GLMN: variants seen among roughly 807,000 people sequenced by gnomAD.
The protein encoded by GLMN is glomulin.
In GLMN, 75 loss-of-function variants were observed where a neutral mutation model predicts 87.8. The observed-to-expected ratio is 0.85, with a 90% CI of 0.71 to 1.04. The LOEUF is 1.04. GLMN is among the 50% of genes least tolerant of loss of function. The pLI, the probability that GLMN is intolerant of heterozygous loss-of-function variation, is 0.00. For missense variants in GLMN, 588 were observed against 658.8 expected (o/e 0.89, Z 1.18); for synonymous variants, 206 against 221.6 (o/e 0.93, Z 0.63).
upstream of GLMN, among the ~76,000 whole-genome samples, chr1:92,301,319 A>G (rs1484763785): frequency 6.6e-6 from 1 of 152,238 alleles, no homozygotes; most frequent in East Asian, 1.9e-4. Context: ...CCTTGTCTCT[A>G]CAATTAAAAA....
At chr1:92,309,590 TAC>T in the GLMN span, among the ~76,000 whole-genome samples, 2 of 101,272 alleles carry the variant, frequency 2.0e-5, no homozygotes, top group South Asian at 2.4e-4. Flanking sequence ...TACATACACA[TAC>T]ACATACACAT....
intron 7 of GLMN, among the ~76,000 whole-genome samples, chr1:92,274,864 T>G (rs1647187991): frequency 6.6e-6 from 1 of 152,190 alleles, no homozygotes; most frequent in Non-Finnish European, 1.5e-5. Context: ...ATTCCTACAT[T>G]TTGACCTACC....
At chr1:92,292,249 T>C (rs920995118) in intron 3 of GLMN, among the ~76,000 whole-genome samples, 1 of 60,660 alleles carries the variant, frequency 1.6e-5, no homozygotes, top group African/African-American at 1.2e-4. Context: ...CCTAGAGTCC[T>C]TCTTTAAAAG....
intron 7 of GLMN, among the ~76,000 whole-genome samples, chr1:92,285,266 A>G (rs1648589920): frequency 1.3e-5 from 2 of 152,210 alleles, no homozygotes; most frequent in African/African-American, 2.4e-5. Context: ...CATATATACC[A>G]TGGAATACTA....
At chr1:92,341,237 G>A in the GLMN span, among the ~76,000 whole-genome samples, 1 of 152,082 alleles carries the variant, frequency 6.6e-6, no homozygotes, top group Non-Finnish European at 1.5e-5. Context: ...TCGAACTCCT[G>A]AGCCCAAGCA....
At chr1:92,363,281 T>G in the GLMN span, among the ~76,000 whole-genome samples, 1 of 151,810 alleles carries the variant, frequency 6.6e-6, no homozygotes, top group Non-Finnish European at 1.5e-5. Context: ...AAGGAGCCAA[T>G]AAAGAAAAAT....
Position 92,291,515 on chromosome 1 carries a change from C to A in GLMN, c.188G>T (p.Trp63Leu), listed in dbSNP as rs750763704. ...TCGAACAACAGGACCAACGAGATTC[C>A]AGCCCATATTCTTGATGATGACCTG... ...KNKVIIKNMG[W>L]NLVGPVVRCL... Residue 63 changes from tryptophan to leucine, a missense_variant, in exon 4 of 19, where the codon TGG (tryptophan) becomes TTG (leucine). Coordinates refer to ENST00000370360, the MANE Select transcript of GLMN (RefSeq NM_053274.3). 2.5e-6 allele frequency: 4 copies of A among 1,613,184 alleles called. No individual in the cohort carries two copies. The highest frequency in any genetic ancestry group is 3.4e-6 in the Non-Finnish European group (4 of 1,179,318).
At chr1:92,323,314 T>A in the GLMN span, 4 of 506,720 alleles carry the variant, frequency 7.9e-6, no homozygotes, top group Non-Finnish European at 1.3e-5. Context: ...TAAGGTTTTG[T>A]CTGGGGAATA....
chr1:92,320,521 C>T, the GLMN span: 5 of 1,161,914 alleles, frequency 4.3e-6, no homozygotes, highest in Admixed American at 1.8e-5. Context: ...TCCGCCTGCC[C>T]AGCCTCCGAA....
intron 16 of GLMN, among the ~76,000 whole-genome samples, chr1:92,259,652 C>T (rs1270866808): frequency 3.3e-5 from 5 of 151,866 alleles, no homozygotes; most frequent in African/African-American, 1.2e-4. Flanking sequence ...AAAATAGGTA[C>T]TGGTAGGAGT....
intron 4 of GLMN, 44 bp downstream of exon 4, chr1:92,291,371 ATAC>A: frequency 6.8e-7 from 1 of 1,463,046 alleles, no homozygotes; most frequent in South Asian, 1.1e-5. Context: ...GAATTATAAA[ATAC>A]TGCTGTGTGT....
the GLMN span, among the ~76,000 whole-genome samples, chr1:92,314,902 G>A: frequency 9.3e-5 from 14 of 151,214 alleles, no homozygotes; most frequent in African/African-American, 2.2e-4. Context: ...AAAATTAACC[G>A]GGCATGGTGG....
chr1:92,256,729 A>G (rs1005737648), intron 16 of GLMN, among the ~76,000 whole-genome samples: 2 of 152,214 alleles, frequency 1.3e-5, no homozygotes, highest in African/African-American at 4.8e-5. Flanking sequence ...AACTCTCAAT[A>G]AACTAGGTAT....
the GLMN span, chr1:92,336,337 A>T: frequency 6.3e-7 from 1 of 1,593,206 alleles, no homozygotes; most frequent in Non-Finnish European, 8.6e-7. Context: ...TGTAATTTTT[A>T]AATTTTCAGG....
chr1:92,257,642 G>A (rs1329864640), intron 16 of GLMN, among the ~76,000 whole-genome samples: 2 of 152,096 alleles, frequency 1.3e-5, no homozygotes, highest in Non-Finnish European at 2.9e-5. Context: ...AACAAGAAAT[G>A]GGGAAAGGAT....
At chr1:92,246,826 T>A (rs909755754) in intron 18 of GLMN, among the ~76,000 whole-genome samples, 180 bp from the exon 19 acceptor site, 1 of 151,912 alleles carries the variant, frequency 6.6e-6, no homozygotes, top group Non-Finnish European at 1.5e-5. Flanking sequence ...AGGCCAGGAG[T>A]TGGAGACCAG....
chr1:92,297,289 A>T, intron 3 of GLMN, 115 bp downstream of exon 3: 1 of 1,372,776 alleles, frequency 7.3e-7, no homozygotes, highest in Non-Finnish European at 1.0e-6. Context: ...TCAGTTCCCT[A>T]CTGTGAAAAT....
Position 92,266,464 on chromosome 1 carries a change from A to T in GLMN, c.1169T>A (p.Leu390Gln). ...TTGTGAATCCAACTTGTTAATATAC[A>T]GCTGAAGCATAGCTAAACTCTTTTT... ...LRKKSLAMLQ[L>Q]YINKLDSQGK... Residue 390 changes from leucine (L) to glutamine (Q), a missense_variant, in exon 13 of 19, where the codon CTG (leucine) becomes CAG (glutamine). Coordinates refer to ENST00000370360, the MANE Select transcript of GLMN (RefSeq NM_053274.3). The T allele has an allele frequency of 6.3e-7, 1 of 1,575,432 alleles. No individual in the cohort carries two copies. The highest frequency in any genetic ancestry group is 8.7e-7 in the Non-Finnish European group (1 of 1,145,704).
rs140628867 is a variant in GLMN, at chr1:92,282,406, A to G, written c.735+4084T>C. On this transcript the variant is annotated intron_variant, in intron 7 of 18. Transcript: ENST00000370360. The stretch of plus-strand genomic sequence containing the variant: ...ACATAACGAAATGAAGGCAGAAACA[A>G]AGATGTTCTTTGAAACCAATGAGAA... Among the ~76,000 whole-genome samples, 911 of 152,324 alleles carry G rather than the reference A, an allele frequency of 6.0e-3. 8 individuals carry two copies. Among genetic ancestry groups the G allele is most frequent in the African/African-American group, 0.019 (803 of 41,564 alleles).
Sources: allele counts gnomAD v4.1 joint callset (sites outside exome capture counted in the v4.1 genomes callset), GRCh38; gene constraint gnomAD v4.1.1; transcripts MANE v1.5; gene names NCBI Gene and HGNC (gene_info 2026-07-23, HGNC 2026-07-21).